Variants in SATB1 observed in about 807,000 individuals in gnomAD.
SATB1 encodes DNA-binding protein SATB1.
SATB1 carries 11 observed loss-of-function variants against 86.9 expected under a neutral mutation model. That is an observed-to-expected ratio of 0.13 (90% CI 0.08 to 0.21). The LOEUF (loss-of-function observed/expected upper bound fraction) is 0.21, where lower values mean the gene tolerates loss of function less well. Ranked by LOEUF, SATB1 falls within the 10% of genes least tolerant of loss-of-function variation. The probability of loss-of-function intolerance (pLI) is 1.00; values close to 1 mark genes in which losing one functional copy is unlikely to be tolerated. For synonymous variants in SATB1, 357 were observed against 357.2 expected, an observed-to-expected ratio of 1.00 and a Z score of 0.01; for missense variants, 551 against 937.6, an observed-to-expected ratio of 0.59 and a Z score of 5.39.
intron 8 of SATB1, among the ~76,000 whole-genome samples, chr3:18,380,929 C>T (rs1696022649): frequency 6.6e-6 from 1 of 152,192 alleles, no homozygotes; most frequent in South Asian, 2.1e-4. Flanking sequence ...CATTAAAATT[C>T]ATAAAGTAGT....
intron 2 of SATB1, among the ~76,000 whole-genome samples, chr3:18,436,065 A>G (rs1699049141): frequency 6.6e-6 from 1 of 152,180 alleles, no homozygotes; most frequent in Non-Finnish European, 1.5e-5. Context: ...TTTTCAGAAT[A>G]TTTTGGATGC....
chr3:18,399,490 G>GA (rs943953440), intron 5 of SATB1, among the ~76,000 whole-genome samples: 5 of 152,078 alleles, frequency 3.3e-5, no homozygotes, highest in African/African-American at 4.8e-5. Flanking sequence ...TGGTGTGTGT[G>GA]AAAAAATGTC....
Position 18,424,326 on chromosome 3 carries a change from C to T in SATB1, c.-724G>A, listed in dbSNP as rs1698548711. ...CGCCTCCCTTCCAATCACCCCCACC[C>T]CCCTCGCCAACAATCGCGACTAATA... On this transcript the variant is annotated 5_prime_UTR_variant, in exon 1 of 11. Coordinates refer to ENST00000338745, the MANE Select transcript of SATB1 (RefSeq NM_002971.6). The T allele has an allele frequency of 6.6e-6, 1 of 150,976 alleles. No homozygotes were observed. Among genetic ancestry groups the T allele is most frequent in the Non-Finnish European group, 1.5e-5 (1 of 67,400 alleles). 9.4% of individuals were successfully genotyped at this position (150,976 alleles called of 1,614,324 possible).
At chr3:18,374,661 T>C (rs1023086246) in intron 9 of SATB1, among the ~76,000 whole-genome samples, 2 of 152,210 alleles carry the variant, frequency 1.3e-5, no homozygotes, top group African/African-American at 4.8e-5. Context: ...CTATTATTCA[T>C]TGAAGAGACA....
intron 5 of SATB1, among the ~76,000 whole-genome samples, chr3:18,400,666 A>G (rs1442874141): frequency 2.0e-5 from 3 of 152,202 alleles, no homozygotes; most frequent in Admixed American, 6.5e-5. Context: ...CCTGTAACAT[A>G]TTACATATAG....
chr3:18,370,613 C>G (rs985886216), intron 9 of SATB1, among the ~76,000 whole-genome samples: 1 of 146,754 alleles, frequency 6.8e-6, no homozygotes, highest in African/African-American at 2.5e-5. Flanking sequence ...AGAAATGCCA[C>G]TTAAGATTCA....
chr3:18,408,462 CA>C (rs1232629165), intron 5 of SATB1, among the ~76,000 whole-genome samples: 5 of 151,944 alleles, frequency 3.3e-5, no homozygotes, highest in Non-Finnish European at 7.4e-5. Flanking sequence ...AAATGCTAAA[CA>C]GAACAAATAA....
At chr3:18,434,984 C>T (rs1170804102) in intron 2 of SATB1, 4 of 152,100 alleles carry the variant, frequency 2.6e-5, no homozygotes, top group South Asian at 2.1e-4. Flanking sequence ...TCTCACTAGC[C>T]GACCACAATT....
At chr3:18,365,792 C>T (rs865853693) in intron 9 of SATB1, among the ~76,000 whole-genome samples, 2 of 152,120 alleles carry the variant, frequency 1.3e-5, no homozygotes, top group African/African-American at 2.4e-5. Context: ...TATGGTTATC[C>T]AGGGTCCAAG....
At chr3:18,376,537 G>A (rs73177712) in intron 9 of SATB1, among the ~76,000 whole-genome samples, 7,800 of 144,338 alleles carry the variant, frequency 0.054, 528 homozygotes, top group African/African-American at 0.16. Flanking sequence ...TCATAATTAG[G>A]CTAAAGAGCC....
chr3:18,404,157 C>T (rs965271199), intron 5 of SATB1, among the ~76,000 whole-genome samples: 1 of 151,994 alleles, frequency 6.6e-6, no homozygotes, highest in African/African-American at 2.4e-5. Context: ...CAGGTAGTTC[C>T]CATCTGGTAT....
chr3:18,362,725 A>C (rs1255478336), intron 9 of SATB1, among the ~76,000 whole-genome samples: 1 of 151,938 alleles, frequency 6.6e-6, no homozygotes, highest in African/African-American at 2.4e-5. Context: ...ATGTGCTCTC[A>C]TATTGCAATG....
intron 9 of SATB1, among the ~76,000 whole-genome samples, chr3:18,377,603 G>A (rs1695825873): frequency 1.3e-5 from 2 of 152,212 alleles, no homozygotes; most frequent in East Asian, 3.9e-4. Context: ...CAATCTGTGT[G>A]TCTTGCATAC....
At chr3:18,363,704 T>A (rs1312156114) in intron 9 of SATB1, among the ~76,000 whole-genome samples, 1 of 152,166 alleles carries the variant, frequency 6.6e-6, no homozygotes, top group Non-Finnish European at 1.5e-5. Context: ...TTCTGAATCA[T>A]TCTATCCTCC....
chr3:18,355,565 T>C (rs1374490528), intron 9 of SATB1, among the ~76,000 whole-genome samples: 3 of 152,056 alleles, frequency 2.0e-5, no homozygotes, highest in African/African-American at 4.8e-5. Context: ...CAAAGTACTG[T>C]ACTAGTTTTT....
At chr3:18,382,222 T>C (rs1182849264) in intron 8 of SATB1, among the ~76,000 whole-genome samples, 6 of 152,136 alleles carry the variant, frequency 3.9e-5, no homozygotes, top group Non-Finnish European at 1.5e-5. Flanking sequence ...TGAAATAGCA[T>C]ACCTTTAGTA....
At position 18,378,329 on chromosome 3, in the gene SATB1, C is replaced by T. The variant is rs1485234559; in HGVS notation, c.1420-4G>A. On this transcript the variant is annotated splice_polypyrimidine_tract_variant and splice_region_variant and intron_variant, in intron 8 of 10. Coordinates refer to ENST00000338745, the MANE Select transcript of SATB1 (RefSeq NM_002971.6). ...TGGCAATAGTAGCTGTTTTCACCTACAAAACATTTTGAACATGGCTGTCAT... is the reference window on the plus strand; with the variant it reads ...TGGCAATAGTAGCTGTTTTCACCTATAAAACATTTTGAACATGGCTGTCAT... 6.2e-7 allele frequency: 1 copy of T among 1,610,062 alleles called. No individual in the cohort carries two copies. Among genetic ancestry groups the T allele is most frequent in the African/African-American group, 1.3e-5 (1 of 74,698 alleles).
intron 9 of SATB1, among the ~76,000 whole-genome samples, chr3:18,374,400 T>C (rs1695633687): frequency 6.6e-6 from 1 of 152,228 alleles, no homozygotes; most frequent in Non-Finnish European, 1.5e-5. Context: ...CTCATAATTA[T>C]TTGAATGTTA....
intron 1 of SATB1, chr3:18,445,319 C>G: frequency 1.0e-6 from 1 of 984,780 alleles, no homozygotes; most frequent in Non-Finnish European, 1.2e-6. Context: ...TGCTGCGCAC[C>G]GCTCCCGGGC....
Sources: allele counts gnomAD v4.1 joint callset (sites outside exome capture counted in the v4.1 genomes callset), GRCh38; gene constraint gnomAD v4.1.1; transcripts MANE v1.5; gene names NCBI Gene and HGNC (gene_info 2026-07-23, HGNC 2026-07-21).